SH3RF2: variants seen among roughly 807,000 people sequenced by gnomAD.
The protein encoded by SH3RF2 is SH3 domain containing ring finger 2.
SH3RF2 carries 43 observed loss-of-function variants against 59.0 expected under a neutral mutation model. That is an observed-to-expected ratio of 0.73 (90% CI 0.57 to 0.94). The LOEUF (loss-of-function observed/expected upper bound fraction) is 0.94, where lower values mean the gene tolerates loss of function less well. Among genes scored for constraint, SH3RF2 ranks in the 40% least tolerant of loss-of-function variants. The pLI, the probability that SH3RF2 is intolerant of heterozygous loss-of-function variation, is 0.00. For missense variants in SH3RF2, 930 were observed against 940.1 expected (o/e 0.99, Z 0.14); for synonymous variants, 391 against 391.5 (o/e 1.00, Z 0.01).
At chr5:145,991,440 C>G (rs1413959586) in intron 2 of SH3RF2, among the ~76,000 whole-genome samples, 2 of 152,174 alleles carry the variant, frequency 1.3e-5, no homozygotes, top group Non-Finnish European at 2.9e-5. Flanking sequence ...GTCATTCACT[C>G]TCTCCCTCTC....
chr5:146,004,401 A>G (rs1760550807), intron 4 of SH3RF2, among the ~76,000 whole-genome samples: 2 of 152,230 alleles, frequency 1.3e-5, no homozygotes, highest in African/African-American at 4.8e-5. Context: ...ATAAACTTAT[A>G]CCAAAAATAT....
Position 146,049,198 on chromosome 5 carries a change from C to CGGG in SH3RF2, c.1276_1278dup (p.Gly426dup). 6.2e-7 allele frequency: 1 copy of CGGG among 1,613,794 alleles called. No homozygotes were observed. The highest frequency in any genetic ancestry group is 8.5e-7 in the Non-Finnish European group (1 of 1,179,878). On this transcript the variant is annotated inframe_insertion, in exon 7 of 10. Transcript: ENST00000359120. ...GGCTCAGGGGCGTCTCCTTGGTCAC[C>CGGG]GGGCGAGTCGGCATCTTCCCAAACA...
intron 9 of SH3RF2, among the ~76,000 whole-genome samples, chr5:146,073,487 T>C (rs1236048108): frequency 6.6e-6 from 1 of 152,218 alleles, no homozygotes; most frequent in Non-Finnish European, 1.5e-5. Context: ...TTAACAGAAA[T>C]TAAATGTCCC....
rs141744881 is a variant in SH3RF2, at chr5:146,054,392, A to G, written c.1323-1589A>G. ...GCTGCTACTGCTGCGAAAAAATTTG[A>G]AATTTGTCTTTCCTGTTGCCAGTCC... On this transcript the variant is annotated intron_variant, in intron 7 of 9. Transcript: ENST00000359120. Among the ~76,000 whole-genome samples, 722 of 152,300 alleles carry G rather than the reference A, an allele frequency of 4.7e-3. 8 individuals are homozygous for G. The highest frequency in any genetic ancestry group is 0.017 in the African/African-American group (688 of 41,552).
At chr5:145,976,443 G>GAA (rs113776416) in intron 2 of SH3RF2, among the ~76,000 whole-genome samples, 161 of 138,670 alleles carry the variant, frequency 1.2e-3, no homozygotes, top group African/African-American at 4.1e-3. Flanking sequence ...AATTAAGAAG[G>GAA]AAAAAAAAAA....
intron 2 of SH3RF2, among the ~76,000 whole-genome samples, chr5:145,995,536 C>T (rs1239551585): frequency 6.6e-6 from 1 of 152,208 alleles, no homozygotes; most frequent in East Asian, 1.9e-4. Flanking sequence ...TTATCCTACT[C>T]AGCTTGGCTT....
intron 9 of SH3RF2, among the ~76,000 whole-genome samples, chr5:146,060,971 A>G (rs1182928018): frequency 6.6e-6 from 1 of 152,196 alleles, no homozygotes. Flanking sequence ...TGCTGTCTTA[A>G]TTTATGAACA....
chr5:145,982,398 C>A (rs1388363956), intron 2 of SH3RF2, among the ~76,000 whole-genome samples: 4 of 152,196 alleles, frequency 2.6e-5, no homozygotes. Context: ...GCTTCTGTGA[C>A]ACTTGGCAAA....
In SH3RF2 at chr5:146,000,119, A is replaced by T. The variant is rs769709994; in HGVS notation, c.440A>T (p.Asn147Ile). Residue 147 changes from asparagine to isoleucine, a missense_variant, in exon 3 of 10, where the codon AAT becomes ATT. Coordinates refer to ENST00000359120, the MANE Select transcript of SH3RF2 (RefSeq NM_152550.4). ...CAGAATCCCGGTGACCTAAGGTTTAATAAGGGAGATATCATCCTTCTCCGG... is the reference window on the plus strand; with the variant it reads ...CAGAATCCCGGTGACCTAAGGTTTATTAAGGGAGATATCATCCTTCTCCGG... Reference protein sequence around the residue: ...RGQNPGDLRFNKGDIILLRRQ... With the variant: ...RGQNPGDLRFIKGDIILLRRQ... 6.2e-7 allele frequency: 1 copy of T among 1,613,836 alleles called. No individual in the cohort carries two copies. The highest frequency in any genetic ancestry group is 1.1e-5 in the South Asian group (1 of 91,000).
At chr5:146,005,857 A>T (rs1760623662) in intron 4 of SH3RF2, among the ~76,000 whole-genome samples, 1 of 150,932 alleles carries the variant, frequency 6.6e-6, no homozygotes, top group African/African-American at 2.4e-5. Flanking sequence ...CTCTGTTTAA[A>T]AAAAAAAAAA....
At chr5:146,062,109 TCATAC>T (rs1057494114) in intron 9 of SH3RF2, among the ~76,000 whole-genome samples, 1 of 152,112 alleles carries the variant, frequency 6.6e-6, no homozygotes, top group Non-Finnish European at 1.5e-5. Flanking sequence ...CCAGAAGGGA[TCATAC>T]CCTCTTGCCT....
At chr5:145,986,707 T>C (rs928481238) in intron 2 of SH3RF2, among the ~76,000 whole-genome samples, 16 of 152,150 alleles carry the variant, frequency 1.1e-4, no homozygotes, top group African/African-American at 3.9e-4. Context: ...CAGCTTATGT[T>C]TGGAGCCAGG....
intron 9 of SH3RF2, among the ~76,000 whole-genome samples, chr5:146,060,999 T>C (rs1181989255): frequency 6.6e-6 from 1 of 152,142 alleles, no homozygotes; most frequent in Non-Finnish European, 1.5e-5. Context: ...CATCACATCA[T>C]CGCCATCACC....
At chr5:145,952,146 T>G (rs930717874) in intron 2 of SH3RF2, among the ~76,000 whole-genome samples, 1 of 152,206 alleles carries the variant, frequency 6.6e-6, no homozygotes, top group Admixed American at 6.5e-5. Context: ...TGCATAAGTA[T>G]CCATCTTATT....
At chr5:146,044,590 GTCT>G (rs1166044084) in intron 5 of SH3RF2, among the ~76,000 whole-genome samples, 2 of 152,062 alleles carry the variant, frequency 1.3e-5, no homozygotes, top group African/African-American at 4.8e-5. Flanking sequence ...TGGGTTCTTT[GTCT>G]TCTTATGAAT....
chr5:146,016,426 AATAGATAG>A (rs955708493), intron 5 of SH3RF2, among the ~76,000 whole-genome samples: 1 of 151,654 alleles, frequency 6.6e-6, no homozygotes, highest in Admixed American at 6.6e-5. Flanking sequence ...TACATAGATA[AATAGATAG>A]ATAGATAAAT....
chr5:146,017,204 G>A (rs1250011644), intron 5 of SH3RF2, among the ~76,000 whole-genome samples: 2 of 152,174 alleles, frequency 1.3e-5, no homozygotes, highest in African/African-American at 4.8e-5. Context: ...AACAATTCAG[G>A]ATTAGACCTG....
chr5:145,999,988 G>T, intron 2 of SH3RF2, 70 bp from the exon 3 acceptor site: 2 of 1,536,376 alleles, frequency 1.3e-6, no homozygotes, highest in Non-Finnish European at 1.7e-6. Context: ...ATAAAAGGGG[G>T]AATGCTTGTA....
chr5:146,012,508 T>A (rs946721210), intron 4 of SH3RF2, among the ~76,000 whole-genome samples: 1 of 152,206 alleles, frequency 6.6e-6, no homozygotes, highest in Admixed American at 6.5e-5. Context: ...TTTTCTTGGT[T>A]GGTAGGCTAT....
Sources: gnomAD v4.1 joint callset for allele counts (sites outside exome capture counted in the v4.1 genomes callset) on GRCh38, gnomAD v4.1.1 for gene constraint, MANE v1.5 for transcripts, NCBI Gene and HGNC (gene_info 2026-07-23, HGNC 2026-07-21) for gene names.